Variants in MYLK observed in about 807,000 individuals in gnomAD.
MYLK encodes the protein myosin light chain kinase, smooth muscle.
In MYLK, 106 loss-of-function variants were observed where a neutral mutation model predicts 203.4. The ratio of observed to expected loss-of-function variants is 0.52; its 90% confidence interval spans 0.45 to 0.61. The LOEUF is 0.61. MYLK is among the 20% of genes least tolerant of loss of function. MYLK has a pLI of 0.00. For missense variants in MYLK, 2,072 were observed against 2,442.3 expected (o/e 0.85, Z 3.20); for synonymous variants, 867 against 959.5 (o/e 0.90, Z 1.78).
intron 2 of MYLK, among the ~76,000 whole-genome samples, chr3:123,832,310 C>T (rs1462406767): frequency 6.6e-6 from 1 of 152,208 alleles, no homozygotes; most frequent in African/African-American, 2.4e-5. Context: ...CCTTCAGACA[C>T]TTTTGTTTTC....
At chr3:123,709,735 G>T in intron 14 of MYLK, 21 bp downstream of exon 14, 2 of 1,607,958 alleles carry the variant, frequency 1.2e-6, no homozygotes, top group South Asian at 2.2e-5. Flanking sequence ...TAATCCCCAA[G>T]AGAGAGCTGC....
intron 5 of MYLK, among the ~76,000 whole-genome samples, chr3:123,746,833 A>G (rs2063033256): frequency 6.6e-6 from 1 of 152,244 alleles, no homozygotes; most frequent in African/African-American, 2.4e-5. Context: ...ATACCCCTAG[A>G]AAATGAAGTC....
intron 2 of MYLK, among the ~76,000 whole-genome samples, chr3:123,867,052 T>G (rs2032377789): frequency 6.6e-6 from 1 of 152,084 alleles, no homozygotes; most frequent in Non-Finnish European, 1.5e-5. Flanking sequence ...CACCTAATAC[T>G]TATCAGTGAC....
In MYLK at chr3:123,612,221, T is replaced by TTTG. The variant is rs1377837590; in HGVS notation, c.*1881_*1883dup. 6.6e-6 allele frequency: 1 copy of TTTG among 152,642 alleles called. No homozygotes were observed. The highest frequency in any genetic ancestry group is 2.4e-5 in the African/African-American group (1 of 41,440). The allele number at this position is 152,642 out of a possible 1,614,324, so 9.5% of individuals were successfully genotyped here. A position where few individuals can be genotyped will look rare whatever the true frequency, so the allele number is the denominator to read the frequency against. Reference sequence around the variant, plus strand: ...TTCTTCACATCTAGGCACCACAGTGTTTGTTTTTCATTTCCAGGATATAGC... The same window carrying TTTG: ...TTCTTCACATCTAGGCACCACAGTGTTTGTTGTTTTTCATTTCCAGGATATAGC... On this transcript the variant is annotated 3_prime_UTR_variant, in exon 34 of 34. Transcript: ENST00000360304.
rs1178879948 is a variant in MYLK at position 123,793,837 on chromosome 3, C to T, written c.5G>A (p.Gly2Glu). ...TGACGAGGCAACCAGCTTCACATCCCCCATGGTCTGCAAAAAGGAAGGAAG... is the reference window on the plus strand; with the variant it reads ...TGACGAGGCAACCAGCTTCACATCCTCCATGGTCTGCAAAAAGGAAGGAAG... M[G>E]DVKLVASSHI... Residue 2 changes from glycine (G) to glutamate (E), a missense_variant, in exon 4 of 34, where the codon GGG (glycine) becomes GAG (glutamate). By Grantham distance (98) the Gly-to-Glu change is moderately conservative. This residue lies in a region of MYLK where 683 missense variants were observed against 643.8 expected (regional missense o/e 1.06). Coordinates refer to ENST00000360304, the MANE Select transcript of MYLK (RefSeq NM_053025.4). 1 of 1,614,130 alleles carries T rather than the reference C, an allele frequency of 6.2e-7. No individual in the cohort carries two copies. The highest frequency in any genetic ancestry group is 1.1e-5 in the South Asian group (1 of 91,072).
intron 4 of MYLK, among the ~76,000 whole-genome samples, chr3:123,769,339 G>T (rs973205729): frequency 2.0e-5 from 3 of 152,230 alleles, no homozygotes; most frequent in African/African-American, 7.2e-5. Flanking sequence ...AATGGCTCAT[G>T]ACAATCTGAG....
intron 24 of MYLK, among the ~76,000 whole-genome samples, chr3:123,651,859 T>C (rs2059222942): frequency 6.6e-6 from 1 of 152,230 alleles, no homozygotes; most frequent in South Asian, 2.1e-4. Flanking sequence ...CTCATGCTAA[T>C]GCTCTGGGGG....
intron 5 of MYLK, among the ~76,000 whole-genome samples, chr3:123,744,974 T>C (rs1488539493): frequency 6.6e-6 from 1 of 152,186 alleles, no homozygotes; most frequent in Non-Finnish European, 1.5e-5. Context: ...TATCTATATA[T>C]ACAATTATAT....
intron 33 of MYLK, among the ~76,000 whole-genome samples, chr3:123,614,915 T>TC (rs1308123490): frequency 1.3e-5 from 2 of 152,032 alleles, no homozygotes; most frequent in African/African-American, 4.8e-5. Flanking sequence ...CAAGTGATCC[T>TC]CCTCCCTCAG....
At chr3:123,848,412 A>G (rs1343029761) in intron 2 of MYLK, among the ~76,000 whole-genome samples, 1 of 152,030 alleles carries the variant, frequency 6.6e-6, no homozygotes, top group Non-Finnish European at 1.5e-5. Flanking sequence ...TATATATAGT[A>G]GACAACAATA....
chr3:123,688,602 C>T (rs948312103), intron 19 of MYLK, among the ~76,000 whole-genome samples: 3 of 152,096 alleles, frequency 2.0e-5, no homozygotes, highest in Non-Finnish European at 4.4e-5. Flanking sequence ...AGAATAAAAT[C>T]TCATTTTTTT....
intron 3 of MYLK, among the ~76,000 whole-genome samples, chr3:123,820,406 C>A (rs1446949317): frequency 6.6e-6 from 1 of 152,292 alleles, no homozygotes; most frequent in South Asian, 2.1e-4. Flanking sequence ...TCACCTCAGG[C>A]AGCTAAGTGG....
chr3:123,812,621 A>C (rs779801510), intron 3 of MYLK, among the ~76,000 whole-genome samples: 1 of 152,188 alleles, frequency 6.6e-6, no homozygotes, highest in Non-Finnish European at 1.5e-5. Context: ...AACACTTGTC[A>C]CCTGTGTCCC....
intron 2 of MYLK, among the ~76,000 whole-genome samples, chr3:123,849,882 A>G (rs1165377236): frequency 1.3e-5 from 2 of 152,088 alleles, no homozygotes; most frequent in African/African-American, 4.8e-5. Flanking sequence ...TCCTAATGCT[A>G]TCCCTCTCCC....
chr3:123,649,252 C>A (rs1440277580), intron 24 of MYLK, 58 bp from the exon 25 acceptor site: 1 of 1,608,762 alleles, frequency 6.2e-7, no homozygotes, highest in Non-Finnish European at 8.5e-7. Context: ...TGAAGGCCCA[C>A]TGAGAGCAAG....
At chr3:123,733,647 T>C (rs761020869) in intron 10 of MYLK, 40 bp downstream of exon 10, 1 of 1,611,092 alleles carries the variant, frequency 6.2e-7, no homozygotes, top group Non-Finnish European at 8.5e-7. Context: ...ACCAAGGGGC[T>C]ACATTTTGGC....
chr3:123,752,247 A>AAG, intron 5 of MYLK, 84 bp downstream of exon 5: 3 of 1,422,068 alleles, frequency 2.1e-6, no homozygotes, highest in Non-Finnish European at 3.0e-6. Flanking sequence ...TCCATCCTTC[A>AAG]AGAGAGGGCT....
At chr3:123,638,424 A>AG (rs923060253) in intron 28 of MYLK, among the ~76,000 whole-genome samples, 22 of 152,118 alleles carry the variant, frequency 1.4e-4, no homozygotes, top group African/African-American at 5.3e-4. Context: ...CAGGGTGGGC[A>AG]GGGGGAGAAG....
At position 123,707,735 on chromosome 3, in the gene MYLK, G is replaced by A; in HGVS notation, c.2390+19C>T. ...TGGAGGGAAGGGTTAAGGGAGGCTG[G>A]CTGGACATGCAGACTCACTTGAGCA... On this transcript the variant is annotated intron_variant, in intron 16 of 33. Transcript: ENST00000360304. 3 of 1,614,036 alleles carry A rather than the reference G, an allele frequency of 1.9e-6. No individual in the cohort carries two copies. Among genetic ancestry groups the A allele is most frequent in the Non-Finnish European group, 2.5e-6 (3 of 1,180,030 alleles).
Sources: gnomAD v4.1 joint callset for allele counts (sites outside exome capture counted in the v4.1 genomes callset) on GRCh38, gnomAD v4.1.1 for gene constraint, gnomAD v4.1.1 regional missense constraint, MANE v1.5 for transcripts, NCBI Gene and HGNC (gene_info 2026-07-23, HGNC 2026-07-21) for gene names.